The following SMAD6 variants were observed in gnomAD, a reference collection of about 807,000 sequenced individuals.
SMAD6 encodes the protein MAD homolog 6.
A neutral mutation model predicts 39.4 loss-of-function variants in SMAD6; 103 were observed. That is an observed-to-expected ratio of 2.62 (90% confidence interval 2.23 to 3.08). SMAD6 has a LOEUF of 3.08. Among genes scored for constraint, SMAD6 ranks in the 30% most tolerant of loss-of-function variants. The pLI is 0.00. For missense variants in SMAD6, 1,104 were observed against 742.9 expected (o/e 1.49, Z -5.65); for synonymous variants, 445 against 353.3 (o/e 1.26, Z -2.91).
At chr15:66,764,232 A>G (rs912544050) in intron 3 of SMAD6, among the ~76,000 whole-genome samples, 3 of 152,210 alleles carry the variant, frequency 2.0e-5, no homozygotes, top group Non-Finnish European at 4.4e-5. Flanking sequence ...AGTTGTTTAT[A>G]TAGTGCTAAT....
chr15:66,780,944 C>T, intron 3 of SMAD6, 53 bp from the exon 4 acceptor site: 1 of 1,486,432 alleles, frequency 6.7e-7, no homozygotes, highest in Non-Finnish European at 9.0e-7. Context: ...CTCCTCGGTG[C>T]CTCCCACCTC....
chr15:66,702,329 G>C lies in SMAD6; in HGVS notation c.-930G>C, dbSNP rs926806528. Reference sequence around the variant, plus strand: ...ACAAAAAAGAGAGAGAGAGCCGAGCGGGGGAGCGATCGAGGGAGCTGAGCC... The same window carrying C: ...ACAAAAAAGAGAGAGAGAGCCGAGCCGGGGAGCGATCGAGGGAGCTGAGCC... On this transcript the variant is annotated 5_prime_UTR_variant, in exon 1 of 4. Transcript: ENST00000288840. The C allele has an allele frequency of 9.9e-5, 15 of 152,152 alleles. No individual in the cohort carries two copies. Among genetic ancestry groups the C allele is most frequent in the African/African-American group, 3.1e-4 (13 of 41,414 alleles). 9.4% of individuals were successfully genotyped at this position (152,152 alleles called of 1,614,324 possible).
intron 1 of SMAD6, among the ~76,000 whole-genome samples, chr15:66,710,041 AAGAC>A (rs1195581864): frequency 2.0e-5 from 3 of 152,220 alleles, no homozygotes; most frequent in African/African-American, 7.2e-5. Context: ...GAAGGGGTGT[AAGAC>A]AGGGCATCTC....
chr15:66,756,236 T>C (rs1252724572), intron 3 of SMAD6, among the ~76,000 whole-genome samples: 3 of 151,978 alleles, frequency 2.0e-5, no homozygotes, highest in Non-Finnish European at 2.9e-5. Flanking sequence ...GGAGGCCCTT[T>C]AAAAAAATTT....
intron 3 of SMAD6, among the ~76,000 whole-genome samples, chr15:66,744,442 C>G (rs930224252): frequency 6.6e-6 from 1 of 152,190 alleles, no homozygotes; most frequent in Non-Finnish European, 1.5e-5. Flanking sequence ...GGAAGGCCAC[C>G]GGATCCCAAG....
intron 3 of SMAD6, among the ~76,000 whole-genome samples, chr15:66,725,859 G>A (rs989179639): frequency 3.9e-5 from 6 of 152,154 alleles, no homozygotes; most frequent in African/African-American, 1.4e-4. Context: ...AGCAGGCACC[G>A]CTGCAGAACA....
chr15:66,731,490 A>C (rs976814433), intron 3 of SMAD6, among the ~76,000 whole-genome samples: 1 of 151,418 alleles, frequency 6.6e-6, no homozygotes, highest in Non-Finnish European at 1.5e-5. Context: ...GCCCAACCCC[A>C]ACCCTGAGCT....
rs190740479 is a variant in SMAD6 at position 66,729,415 on chromosome 15, C to T, written c.952+12917C>T. The stretch of plus-strand genomic sequence containing the variant: ...CTGGGCCTTTCACCGGTAGCCAAAA[C>T]ATTACATTCCTGTACCCCGGGAGCA... On this transcript the variant is annotated intron_variant, in intron 3 of 3. Transcript: ENST00000288840. Among the ~76,000 whole-genome samples the T allele has an allele frequency of 9.2e-5, 14 of 152,324 alleles. No homozygotes were observed. In the East Asian group the frequency reaches 2.7e-3, roughly 29 times the overall value.
At chr15:66,760,039 G>A (rs1031548648) in intron 3 of SMAD6, among the ~76,000 whole-genome samples, 3 of 152,206 alleles carry the variant, frequency 2.0e-5, no homozygotes, top group African/African-American at 7.2e-5. Context: ...TCTCCTGCCC[G>A]TGTGCCTCTG....
intron 3 of SMAD6, among the ~76,000 whole-genome samples, chr15:66,772,788 G>A (rs1894399931): frequency 6.6e-6 from 1 of 152,188 alleles, no homozygotes; most frequent in African/African-American, 2.4e-5. Context: ...TCACATGCAG[G>A]CACCTTTGCT....
At position 66,781,263 on chromosome 15, in the gene SMAD6, G is replaced by A. The variant is rs369404591; in HGVS notation, c.1219G>A (p.Glu407Lys). The A allele has an allele frequency of 9.3e-6, 15 of 1,607,780 alleles. No homozygotes were observed. Among genetic ancestry groups the A allele is most frequent in the East Asian group, 2.2e-5 (1 of 44,844 alleles). The change falls in exon 4 of 4, where the codon GAG becomes AAG. Residue 407 changes from glutamate (E) to lysine (K), a missense_variant. Physicochemically the swap from Glu to Lys is moderately conservative, Grantham distance 56 (BLOSUM62 1). Coordinates refer to ENST00000288840, the MANE Select transcript of SMAD6 (RefSeq NM_005585.5). ...CGGCGTGTGGGCCTACAACCGCGGCGAGCACCCCATCTTCGTCAACTCCCC... is the reference window on the plus strand; with the variant it reads ...CGGCGTGTGGGCCTACAACCGCGGCAAGCACCCCATCTTCGTCAACTCCCC... ...PDGVWAYNRG[E>K]HPIFVNSPTL...
chr15:66,737,000 A>G (rs2140631720), intron 3 of SMAD6, among the ~76,000 whole-genome samples: 1 of 152,282 alleles, frequency 6.6e-6, no homozygotes, highest in African/African-American at 2.4e-5. Flanking sequence ...CTGCAGGTGA[A>G]TCTAACATGC....
chr15:66,724,630 C>A (rs1036439286), intron 3 of SMAD6, among the ~76,000 whole-genome samples: 2 of 152,138 alleles, frequency 1.3e-5, no homozygotes, highest in Non-Finnish European at 2.9e-5. Context: ...TGATAAGGCA[C>A]CCTTGCTGGC....
In SMAD6 at chr15:66,703,289, C is replaced by A; in HGVS notation, c.31C>A (p.Arg11=). Residue 11 remains arginine (R), a synonymous_variant, in exon 1 of 4, where the codon CGG becomes AGG. Transcript: ENST00000288840. ...CAGGTCCAAACGCTCGGGGCTGGTG[C>A]GGCGACTTTGGCGAAGTCGTGTGGT... MFRSKRSGLV[R]RLWRSRVVPD... The A allele has an allele frequency of 6.7e-7, 1 of 1,490,406 alleles. No individual in the cohort carries two copies. The highest frequency in any genetic ancestry group is 8.9e-7 in the Non-Finnish European group (1 of 1,119,614). The allele number at this position is 1,490,406 out of a possible 1,614,324, so 92.3% of individuals were successfully genotyped here.
rs367583613 is a variant in SMAD6 at position 66,758,992 on chromosome 15, A to C, written c.953-22005A>C. ...CTGTAAAATGGATAGTAAACACTTT[A>C]GGCTTTGCAGGGCACACAGTCTCTG... On this transcript the variant is annotated intron_variant, in intron 3 of 3. Coordinates refer to ENST00000288840, the MANE Select transcript of SMAD6 (RefSeq NM_005585.5). Among the ~76,000 whole-genome samples the C allele has an allele frequency of 1.2e-3, 189 of 152,348 alleles. 2 individuals carry two copies. Among genetic ancestry groups the C allele is most frequent in the South Asian group, 5.0e-3 (24 of 4,824 alleles).
chr15:66,761,894 C>T (rs1894206465), intron 3 of SMAD6, among the ~76,000 whole-genome samples: 1 of 152,170 alleles, frequency 6.6e-6, no homozygotes, highest in African/African-American at 2.4e-5. Context: ...CCCACCTCAC[C>T]CCATGACATT....
Position 66,743,587 on chromosome 15 carries a change from T to TA in SMAD6, c.952+27094dup, listed in dbSNP as rs1197329859. Among the ~76,000 whole-genome samples, 23 of 144,384 alleles carry TA rather than the reference T, an allele frequency of 1.6e-4. No homozygotes were observed. The South Asian group carries it at 3.5e-3, about 22-fold the overall frequency. 94.7% of individuals were successfully genotyped at this position (144,384 alleles called of 152,430 possible). ...GCATTTCCTCTTTCCTTTTTTTTTT[T>TA]AAAAAGCAGTACGTGATTCATGTGG... On this transcript the variant is annotated intron_variant, in intron 3 of 3. Coordinates refer to ENST00000288840, the MANE Select transcript of SMAD6 (RefSeq NM_005585.5).
At chr15:66,780,586 G>A (rs1894540384) in intron 3 of SMAD6, among the ~76,000 whole-genome samples, 1 of 152,190 alleles carries the variant, frequency 6.6e-6, no homozygotes, top group Non-Finnish European at 1.5e-5. Flanking sequence ...AGAGTAAGAA[G>A]TACAGTGCTC....
At position 66,747,167 on chromosome 15, in the gene SMAD6, A is replaced by G. The variant is rs1893922053; in HGVS notation, c.952+30669A>G. Among the ~76,000 whole-genome samples the G allele has an allele frequency of 6.6e-6, 1 of 152,240 alleles. No individual in the cohort carries two copies. The highest frequency in any genetic ancestry group is 2.1e-4 in the South Asian group (1 of 4,836). On this transcript the variant is annotated intron_variant, in intron 3 of 3. Transcript: ENST00000288840. This position sits in a 1 kb window ranked among gnomAD's most constrained non-coding sequence, Gnocchi z 4.5. ...AGAGGATCCAGCCAGGAGGACAGAA[A>G]TTCTTATCTCCACATGGCAAGTGGG...
Sources: allele counts gnomAD v4.1 joint callset (sites outside exome capture counted in the v4.1 genomes callset), GRCh38; gene constraint gnomAD v4.1.1; non-coding constraint Gnocchi (gnomAD v3.1); transcripts MANE v1.5; gene names NCBI Gene and HGNC (gene_info 2026-07-23, HGNC 2026-07-21).